Variants in ADAMTSL1 observed in about 807,000 individuals in gnomAD.
The protein encoded by ADAMTSL1 is ADAMTS-like protein 1.
In ADAMTSL1, 126 loss-of-function variants were observed where a neutral mutation model predicts 201.8. The ratio of observed to expected loss-of-function variants is 0.62; its 90% CI spans 0.54 to 0.72. The LOEUF (loss-of-function observed/expected upper bound fraction) is 0.72, where lower values mean the gene tolerates loss of function less well. ADAMTSL1 is among the 30% of genes least tolerant of loss of function. The probability of loss-of-function intolerance (pLI) is 0.00; values close to 1 mark genes in which losing one functional copy is unlikely to be tolerated. For missense variants in ADAMTSL1, 2,679 were observed against 2,277.8 expected, an observed-to-expected ratio of 1.18 and a Z score of -3.59; for synonymous variants, 1,121 against 903.4, an observed-to-expected ratio of 1.24 and a Z score of -4.32.
intron 1 of ADAMTSL1, among the ~76,000 whole-genome samples, chr9:17,941,248 C>G (rs761752597): frequency 6.6e-6 from 1 of 152,038 alleles, no homozygotes; most frequent in East Asian, 1.9e-4. Context: ...CCATTCTTCT[C>G]TTTATCTCAT....
At chr9:18,882,648 T>C (rs1828604448) in intron 23 of ADAMTSL1, among the ~76,000 whole-genome samples, 1 of 152,066 alleles carries the variant, frequency 6.6e-6, no homozygotes, top group Non-Finnish European at 1.5e-5. Context: ...TGTAGATGCC[T>C]AGATGCCGCC....
At chr9:18,258,761 C>G (rs1831797403) in intron 2 of ADAMTSL1, among the ~76,000 whole-genome samples, 1 of 152,186 alleles carries the variant, frequency 6.6e-6, no homozygotes, top group South Asian at 2.1e-4. Flanking sequence ...TCTGCCTGGT[C>G]CCTCACACAC....
At chr9:18,858,456 T>C (rs1277709711) in intron 23 of ADAMTSL1, among the ~76,000 whole-genome samples, 1 of 152,208 alleles carries the variant, frequency 6.6e-6, no homozygotes, top group African/African-American at 2.4e-5. Context: ...TGATGAACAT[T>C]GTCTTCTTTA....
rs536130892 is a variant in ADAMTSL1, at chr9:18,636,920, A to G, written c.676+903A>G. On this transcript the variant is annotated intron_variant, in intron 6 of 28. Transcript: ENST00000380548. ...GTCTGTCCTTTCTCCCCTCCCACAC[A>G]AATGCCTGTGAAACCAATTTAGATA... 4.6e-5 allele frequency among the ~76,000 whole-genome samples: 7 copies of G among 152,310 alleles called. No homozygotes were observed. The East Asian group carries it at 7.7e-4, about 17-fold the overall frequency.
intron 2 of ADAMTSL1, among the ~76,000 whole-genome samples, chr9:18,316,473 A>G (rs1380622354): frequency 6.6e-6 from 1 of 152,064 alleles, no homozygotes; most frequent in East Asian, 1.9e-4. Flanking sequence ...TCTCTTTCCC[A>G]GGGATGTTCC....
chr9:18,848,967 A>G (rs1826307125), intron 23 of ADAMTSL1, among the ~76,000 whole-genome samples: 1 of 152,242 alleles, frequency 6.6e-6, no homozygotes, highest in Admixed American at 6.5e-5. Context: ...TAATGAACCA[A>G]AACTAATGAA....
chr9:18,841,059 A>G (rs1825685159), intron 23 of ADAMTSL1, among the ~76,000 whole-genome samples: 1 of 148,404 alleles, frequency 6.7e-6, no homozygotes, highest in Non-Finnish European at 1.5e-5. Flanking sequence ...CCTGGCCAGA[A>G]CTTCCAACAC....
rs73428954 is a variant in ADAMTSL1, at chr9:18,304,898, C to T, written c.207+140917C>T. Among the ~76,000 whole-genome samples the T allele has an allele frequency of 9.2e-3, 1,398 of 152,104 alleles. 33 individuals are homozygous for T. The highest frequency in any genetic ancestry group is 0.032 in the African/African-American group (1,322 of 41,488). On this transcript the variant is annotated intron_variant, in intron 2 of 29. Coordinates refer to the ADAMTSL1 transcript ENST00000680146. Reference sequence around the variant, plus strand: ...TATTCTAAGAAAATATGTACTTAAACAGTGTACGTTCCTGGGCAAGATGGC... The same window carrying T: ...TATTCTAAGAAAATATGTACTTAAATAGTGTACGTTCCTGGGCAAGATGGC...
chr9:18,872,915 A>G (rs1198350715), intron 23 of ADAMTSL1, among the ~76,000 whole-genome samples: 1 of 152,082 alleles, frequency 6.6e-6, no homozygotes, highest in Non-Finnish European at 1.5e-5. Context: ...AAGAATCTCC[A>G]TACTGTTTTC....
intron 2 of ADAMTSL1, among the ~76,000 whole-genome samples, chr9:18,234,689 A>T (rs1830770860): frequency 6.6e-6 from 1 of 152,212 alleles, no homozygotes; most frequent in Non-Finnish European, 1.5e-5. Flanking sequence ...TGGAAATTCA[A>T]CCAAACACCT....
Position 18,777,578 on chromosome 9 carries a change from G to C in ADAMTSL1, c.3349G>C (p.Asp1117His), listed in dbSNP as rs756309634. The C allele has an allele frequency of 6.2e-7, 1 of 1,610,788 alleles. No individual in the cohort carries two copies. The highest frequency in any genetic ancestry group is 8.5e-7 in the Non-Finnish European group (1 of 1,178,730). Residue 1117 changes from aspartate (D) to histidine (H), a missense_variant, in exon 19 of 29, where the codon GAC (aspartate) becomes CAC (histidine). Physicochemically the swap from Asp to His is moderately conservative, Grantham distance 81. Transcript: ENST00000380548. ...EIFRSHLEHQ[D>H]TLLKPSERRT... The stretch of plus-strand genomic sequence containing the variant: ...CTTCCGCAGCCACCTGGAGCACCAG[G>C]ACACGCTCCTGAAGCCCTCGGAGCG...
intron 21 of ADAMTSL1, among the ~76,000 whole-genome samples, chr9:18,819,374 T>C (rs1824066656): frequency 6.6e-6 from 1 of 151,600 alleles, no homozygotes; most frequent in South Asian, 2.1e-4. Context: ...GAGAGTCACT[T>C]GAACCTAGGA....
intron 12 of ADAMTSL1, among the ~76,000 whole-genome samples, chr9:18,683,239 T>G (rs1830621148): frequency 6.6e-6 from 1 of 151,346 alleles, no homozygotes; most frequent in African/African-American, 2.4e-5. Flanking sequence ...TGTTTTTTTT[T>G]TTTGAGACGG....
At chr9:18,379,295 C>G (rs554549805) in intron 2 of ADAMTSL1, among the ~76,000 whole-genome samples, 3 of 152,144 alleles carry the variant, frequency 2.0e-5, no homozygotes, top group African/African-American at 4.8e-5. Flanking sequence ...TTTGTGAGAT[C>G]GAGAGATTCC....
At chr9:17,907,464 C>T (rs76867837) in intron 1 of ADAMTSL1, among the ~76,000 whole-genome samples, 155 of 152,312 alleles carry the variant, frequency 1.0e-3, no homozygotes, top group African/African-American at 3.5e-3. Context: ...GGACGCCGGA[C>T]CAGGTGGGCT....
At chr9:18,205,282 C>G (rs983544348) in intron 2 of ADAMTSL1, among the ~76,000 whole-genome samples, 2 of 152,008 alleles carry the variant, frequency 1.3e-5, no homozygotes, top group African/African-American at 4.8e-5. Flanking sequence ...AAATAGTTTA[C>G]CAATTTAATT....
chr9:18,047,424 C>T (rs973885999), intron 1 of ADAMTSL1, among the ~76,000 whole-genome samples: 7 of 152,004 alleles, frequency 4.6e-5, no homozygotes, highest in African/African-American at 1.7e-4. Context: ...CAGGACAAGC[C>T]TCTATAACAA....
At chr9:18,195,248 G>A (rs1008927726) in intron 2 of ADAMTSL1, among the ~76,000 whole-genome samples, 4 of 152,182 alleles carry the variant, frequency 2.6e-5, no homozygotes, top group African/African-American at 9.6e-5. Flanking sequence ...CGCAGCCTGT[G>A]TGTAGTCCTT....
intron 16 of ADAMTSL1, among the ~76,000 whole-genome samples, chr9:18,764,921 C>G (rs897160868): frequency 6.6e-6 from 1 of 152,206 alleles, no homozygotes; most frequent in African/African-American, 2.4e-5. Context: ...GTCCTATCTG[C>G]AAACTGATAA....
Sources: gnomAD v4.1 joint callset for allele counts (sites outside exome capture counted in the v4.1 genomes callset) on GRCh38, gnomAD v4.1.1 for gene constraint, MANE v1.5 for transcripts, NCBI Gene and HGNC (gene_info 2026-07-23, HGNC 2026-07-21) for gene names.